RRP36: variants seen among roughly 807,000 people sequenced by gnomAD.
RRP36 encodes ribosomal RNA processing 36.
A neutral mutation model predicts 39.8 loss-of-function variants in RRP36; 44 were observed. That is an observed-to-expected ratio of 1.10 (90% CI 0.87 to 1.42). RRP36 has a LOEUF of 1.42. RRP36 is among the 40% of genes most tolerant of loss of function. The probability of loss-of-function intolerance (pLI) is 0.00; values close to 1 mark genes in which losing one functional copy is unlikely to be tolerated. For missense variants in RRP36, 316 were observed against 322.4 expected (o/e 0.98, Z 0.15); for synonymous variants, 124 against 123.1 (o/e 1.01, Z -0.05).
Position 43,021,703 on chromosome 6 carries a change from C to A in RRP36, c.49C>A (p.Arg17=). The change falls in exon 1 of 7, where the codon CGA becomes AGA. Residue 17 remains arginine, a synonymous_variant. Coordinates refer to ENST00000244496, the MANE Select transcript of RRP36 (RefSeq NM_033112.4). ...RAGAGAGAGA[R]RPRGARDREE... is the part of the protein sequence containing the mutation. The stretch of plus-strand genomic sequence containing the variant: ...CGGGGCCGGGGCCGGGGCCGGGGCC[C>A]GACGTCCCCGCGGGGCCCGGGACCG... 5.9e-6 allele frequency: 7 copies of A among 1,194,298 alleles called. No individual in the cohort carries two copies. Among genetic ancestry groups the A allele is most frequent in the Non-Finnish European group, 7.3e-6 (7 of 962,132 alleles). 74.0% of individuals were successfully genotyped at this position (1,194,298 alleles called of 1,614,324 possible).
At chr6:43,028,762 C>G (rs1220710382) in intron 6 of RRP36, among the ~76,000 whole-genome samples, 1 of 151,874 alleles carries the variant, frequency 6.6e-6, no homozygotes, top group Non-Finnish European at 1.5e-5. Flanking sequence ...ACCAGCCTGG[C>G]CAACATGGCG....
intron 1 of RRP36, 89 bp downstream of exon 1, chr6:43,021,873 C>A: frequency 9.8e-7 from 1 of 1,021,068 alleles, no homozygotes. Context: ...GGTAAGACTG[C>A]CAAGTTCTCT....
intron 4 of RRP36, among the ~76,000 whole-genome samples, chr6:43,026,537 G>A (rs1416513287): frequency 6.6e-6 from 1 of 151,538 alleles, no homozygotes; most frequent in Non-Finnish European, 1.5e-5. Flanking sequence ...GCCAAGTGTG[G>A]TGTTGCATGC....
At chr6:43,024,286 C>T (rs538639972) in intron 1 of RRP36, among the ~76,000 whole-genome samples, 2 of 152,092 alleles carry the variant, frequency 1.3e-5, no homozygotes, top group South Asian at 4.1e-4. Context: ...GCAGAGGCAA[C>T]ATGTGCAGAG....
At chr6:43,027,273 G>T in intron 5 of RRP36, 21 bp downstream of exon 5, 1 of 1,613,284 alleles carries the variant, frequency 6.2e-7, no homozygotes, top group Non-Finnish European at 8.5e-7. Context: ...AATAATTGTG[G>T]TGGGTAATGA....
At chr6:43,027,146 G>A in intron 4 of RRP36, 32 bp from the exon 5 acceptor site, 2 of 1,599,952 alleles carry the variant, frequency 1.3e-6, no homozygotes, top group Non-Finnish European at 1.7e-6. Context: ...TTTGCAGAAT[G>A]CTAACCATGA....
intron 1 of RRP36, among the ~76,000 whole-genome samples, chr6:43,022,109 T>A (rs1045177255): frequency 1.3e-5 from 2 of 152,052 alleles, no homozygotes; most frequent in African/African-American, 4.8e-5. Context: ...TTTGTTTTTT[T>A]AATTTTTTTT....
rs751251366 is a variant in RRP36 at position 43,021,691 on chromosome 6, G to A, written c.37G>A (p.Gly13Arg). The A allele has an allele frequency of 2.6e-5, 32 of 1,238,490 alleles. No homozygotes were observed. The highest frequency in any genetic ancestry group is 3.1e-5 in the East Asian group (1 of 32,026). 76.7% of individuals were successfully genotyped at this position (1,238,490 alleles called of 1,614,324 possible). The change falls in exon 1 of 7, where the codon GGG (glycine) becomes AGG (arginine). Residue 13 changes from glycine (G) to arginine (R), a missense_variant. Physicochemically the swap from Gly to Arg is moderately radical, Grantham distance 125. Coordinates refer to ENST00000244496, the MANE Select transcript of RRP36 (RefSeq NM_033112.4). The part of the protein sequence containing the change: ...GANYRAGAGA[G>R]AGARRPRGAR... The stretch of plus-strand genomic sequence containing the variant: ...TAACTACCGCGCCGGGGCCGGGGCC[G>A]GGGCCGGGGCCCGACGTCCCCGCGG...
At position 43,029,473 on chromosome 6, in the gene RRP36, C is replaced by T; in HGVS notation, c.*245C>T. 2.5e-6 allele frequency: 1 copy of T among 397,414 alleles called. No individual in the cohort carries two copies. The highest frequency in any genetic ancestry group is 4.5e-6 in the Non-Finnish European group (1 of 223,568). 24.6% of individuals were successfully genotyped at this position (397,414 alleles called of 1,614,324 possible). On this transcript the variant is annotated 3_prime_UTR_variant, in exon 7 of 7. Coordinates refer to ENST00000244496, the MANE Select transcript of RRP36 (RefSeq NM_033112.4). Reference sequence around the variant, plus strand: ...TTGCGTCCTCGTGTTCTTCTCTCATCCTTGCCTTAAACCAGGGATTCTGAT... The same window carrying T: ...TTGCGTCCTCGTGTTCTTCTCTCATTCTTGCCTTAAACCAGGGATTCTGAT...
chr6:43,025,962 G>A, intron 3 of RRP36, 75 bp from the exon 4 acceptor site: 2 of 1,097,072 alleles, frequency 1.8e-6, no homozygotes, highest in South Asian at 1.4e-5. Context: ...AGATGAGGAA[G>A]AGACAGGAAG....
chr6:43,029,068 A>G (rs773901508), intron 6 of RRP36, 24 bp from the exon 7 acceptor site: 8 of 1,612,796 alleles, frequency 5.0e-6, no homozygotes, highest in Non-Finnish European at 6.8e-6. Flanking sequence ...TTGTTCACCA[A>G]CTTTCATTCT....
chr6:43,027,819 C>G (rs1302541372), intron 6 of RRP36, among the ~76,000 whole-genome samples: 1 of 137,576 alleles, frequency 7.3e-6, no homozygotes, highest in East Asian at 2.3e-4. Context: ...TCAGTTTTAT[C>G]TCTTGGTCTA....
chr6:43,024,642 C>T (rs909109654), intron 1 of RRP36, among the ~76,000 whole-genome samples: 2 of 152,088 alleles, frequency 1.3e-5, no homozygotes, highest in Non-Finnish European at 2.9e-5. Flanking sequence ...TGGACCAGGA[C>T]ACTGGCAATG....
At chr6:43,027,712 A>AACCCC (rs1561863932) in intron 6 of RRP36, among the ~76,000 whole-genome samples, 1 of 45,008 alleles carries the variant, frequency 2.2e-5, no homozygotes, top group African/African-American at 9.4e-5. Context: ...CCACTTCCCA[A>AACCCC]CCCCCCCCCC....
chr6:43,021,922 T>G, intron 1 of RRP36, 138 bp downstream of exon 1: 1 of 571,948 alleles, frequency 1.7e-6, no homozygotes, highest in Non-Finnish European at 2.4e-6. Flanking sequence ...CCCAGTGCAG[T>G]GGAAAGTGGG....
chr6:43,021,661 G>A lies in RRP36; in HGVS notation c.7G>A (p.Gly3Arg). ...CGAGCGCTACTGCCAGCTGATGCCG[G>A]GAGCTAACTACCGCGCCGGGGCCGG... Reference protein sequence around the residue: MPGANYRAGAGAG... With the variant: MPRANYRAGAGAG... The change falls in exon 1 of 7, where the codon GGA (glycine) becomes AGA (arginine). Residue 3 changes from glycine to arginine, a missense_variant. Gly to Arg is a moderately radical substitution (Grantham distance 125). Coordinates refer to ENST00000244496, the MANE Select transcript of RRP36 (RefSeq NM_033112.4). 7.8e-7 allele frequency: 1 copy of A among 1,278,552 alleles called. No individual in the cohort carries two copies. The highest frequency in any genetic ancestry group is 3.2e-5 in the South Asian group (1 of 30,966). 79.2% of individuals were successfully genotyped at this position (1,278,552 alleles called of 1,614,324 possible).
chr6:43,025,622 C>CAAAA (rs1219326852), intron 3 of RRP36, among the ~76,000 whole-genome samples: 1 of 63,712 alleles, frequency 1.6e-5, no homozygotes, highest in Non-Finnish European at 3.3e-5. Context: ...GACTCTGTCT[C>CAAAA]AAAAAAAAAA....
At chr6:43,027,651 C>G (rs935021208) in intron 6 of RRP36, among the ~76,000 whole-genome samples, 174 bp downstream of exon 6, 1 of 151,424 alleles carries the variant, frequency 6.6e-6, no homozygotes, top group Non-Finnish European at 1.5e-5. Flanking sequence ...TCTTGTATCC[C>G]TAATTAGATC....
At chr6:43,027,762 TACACACACACACACACAC>T (rs57851236) in intron 6 of RRP36, among the ~76,000 whole-genome samples, 4 of 81,612 alleles carry the variant, frequency 4.9e-5, no homozygotes, top group Middle Eastern at 7.8e-3. Context: ...TGGTCTACAC[TACACACACACACACACAC>T]ACACACACAC....
Sources: allele counts gnomAD v4.1 joint callset (sites outside exome capture counted in the v4.1 genomes callset), GRCh38; gene constraint gnomAD v4.1.1; transcripts MANE v1.5; gene names NCBI Gene and HGNC (gene_info 2026-07-23, HGNC 2026-07-21).